RHBDD1: variants seen among roughly 807,000 people sequenced by gnomAD.
RHBDD1 encodes the protein rhomboid-related protein 4.
Under a neutral mutation model 36.3 loss-of-function variants are expected in RHBDD1, and 38 were observed. That is an observed-to-expected ratio of 1.05 (90% CI 0.81 to 1.37). The LOEUF is 1.37. Ranked by LOEUF, RHBDD1 falls within the 40% of genes most tolerant of loss-of-function variation. RHBDD1 has a pLI of 0.00. For missense variants in RHBDD1, 393 were observed against 377.6 expected, an observed-to-expected ratio of 1.04 and a Z score of -0.34; for synonymous variants, 151 against 136.5, an observed-to-expected ratio of 1.11 and a Z score of -0.74.
chr2:226,972,860 C>T (rs1221817712), intron 8 of RHBDD1, among the ~76,000 whole-genome samples: 1 of 149,188 alleles, frequency 6.7e-6, no homozygotes, highest in Admixed American at 6.7e-5. Context: ...CACAAGTTAC[C>T]ACATGTATTT....
chr2:226,837,461 C>G (rs1273087745), intron 1 of RHBDD1: 1 of 152,168 alleles, frequency 6.6e-6, no homozygotes, highest in African/African-American at 2.4e-5. Flanking sequence ...CATACTAATG[C>G]TATTGTGGTT....
chr2:226,989,966 T>C (rs879586102), intron 8 of RHBDD1, among the ~76,000 whole-genome samples: 1 of 152,238 alleles, frequency 6.6e-6, no homozygotes, highest in Non-Finnish European at 1.5e-5. Flanking sequence ...TCTTGATTGA[T>C]TGAAGGATAG....
chr2:226,961,400 A>G (rs1403844789), intron 8 of RHBDD1, among the ~76,000 whole-genome samples: 2 of 152,156 alleles, frequency 1.3e-5, no homozygotes, highest in African/African-American at 4.8e-5. Context: ...CACTTAGGTC[A>G]CTTATAGAAA....
chr2:226,967,176 C>T (rs1185536968), intron 8 of RHBDD1, among the ~76,000 whole-genome samples: 6 of 152,094 alleles, frequency 3.9e-5, no homozygotes, highest in African/African-American at 1.5e-4. Context: ...GAGTAAATTG[C>T]ATAAATCCCA....
chr2:226,920,455 G>A (rs1336028204), intron 8 of RHBDD1, among the ~76,000 whole-genome samples: 1 of 152,020 alleles, frequency 6.6e-6, no homozygotes, highest in Non-Finnish European at 1.5e-5. Flanking sequence ...GTGCATCTTT[G>A]TTATATTCCA....
chr2:226,973,106 T>G (rs1953899895), intron 8 of RHBDD1, among the ~76,000 whole-genome samples: 1 of 152,202 alleles, frequency 6.6e-6, no homozygotes, highest in South Asian at 2.1e-4. Flanking sequence ...CTCCCTGGAC[T>G]TCAGCCTCGG....
intron 5 of RHBDD1, among the ~76,000 whole-genome samples, chr2:226,884,967 T>C (rs896090620): frequency 6.6e-5 from 10 of 152,138 alleles, no homozygotes; most frequent in East Asian, 3.8e-4. Flanking sequence ...ATTACATCTT[T>C]AGGATGAACA....
chr2:226,897,425 G>C (rs1017104335), intron 5 of RHBDD1, among the ~76,000 whole-genome samples: 1 of 152,128 alleles, frequency 6.6e-6, no homozygotes, highest in South Asian at 2.1e-4. Flanking sequence ...CTAAATATTT[G>C]ATGAGTGAAT....
chr2:226,842,311 A>G (rs530141747), intron 3 of RHBDD1, among the ~76,000 whole-genome samples: 1 of 151,952 alleles, frequency 6.6e-6, no homozygotes, highest in Non-Finnish European at 1.5e-5. Context: ...CCATTTGTCA[A>G]TTTTTGCTTT....
At position 226,891,720 on chromosome 2, in the gene RHBDD1, G is replaced by A. The variant is rs545899142; in HGVS notation, c.567-15073G>A. Among the ~76,000 whole-genome samples, 6 of 152,286 alleles carry A rather than the reference G, an allele frequency of 3.9e-5. No individual in the cohort carries two copies. The South Asian group carries it at 1.2e-3, about 32-fold the overall frequency. Reference sequence around the variant, plus strand: ...ACCCAACCAATAGAATTCTTGGTTGGAAACCCTAGAAATAAACTCTGGCAA... The same window carrying A: ...ACCCAACCAATAGAATTCTTGGTTGAAAACCCTAGAAATAAACTCTGGCAA... On this transcript the variant is annotated intron_variant, in intron 5 of 8. Transcript: ENST00000392062.
intron 8 of RHBDD1, among the ~76,000 whole-genome samples, chr2:226,927,646 A>T (rs766261225): frequency 5.3e-5 from 8 of 151,966 alleles, no homozygotes; most frequent in Non-Finnish European, 1.0e-4. Context: ...TGGTATTTTC[A>T]GTTGTTTTTA....
At chr2:226,925,015 C>A (rs892954515) in intron 8 of RHBDD1, among the ~76,000 whole-genome samples, 2 of 152,148 alleles carry the variant, frequency 1.3e-5, no homozygotes, top group African/African-American at 4.8e-5. Flanking sequence ...GCAGATAGTT[C>A]TTCAGTTTGG....
chr2:226,972,427 C>T (rs1953716424), intron 8 of RHBDD1, among the ~76,000 whole-genome samples: 1 of 152,204 alleles, frequency 6.6e-6, no homozygotes, highest in South Asian at 2.1e-4. Context: ...GAGCCATCCT[C>T]CTCTTTCTCA....
intron 8 of RHBDD1, among the ~76,000 whole-genome samples, chr2:226,949,575 ATATTG>A (rs1951278581): frequency 6.6e-6 from 1 of 152,208 alleles, no homozygotes; most frequent in Non-Finnish European, 1.5e-5. Flanking sequence ...TTTGCCTTTC[ATATTG>A]TATTGGTAGG....
intron 3 of RHBDD1, among the ~76,000 whole-genome samples, chr2:226,861,940 G>A (rs572883839): frequency 2.0e-5 from 3 of 152,260 alleles, no homozygotes; most frequent in African/African-American, 7.2e-5. Flanking sequence ...ATATAGAAAC[G>A]GGTTGTGCTA....
intron 8 of RHBDD1, among the ~76,000 whole-genome samples, chr2:226,925,402 T>A (rs1949598061): frequency 6.6e-6 from 1 of 152,190 alleles, no homozygotes; most frequent in South Asian, 2.1e-4. Context: ...AGGCATCTAT[T>A]AAAAATAACA....
At chr2:226,930,877 A>G (rs915349986) in intron 8 of RHBDD1, among the ~76,000 whole-genome samples, 1 of 152,092 alleles carries the variant, frequency 6.6e-6, no homozygotes, top group Non-Finnish European at 1.5e-5. Flanking sequence ...CAAGAAACGT[A>G]TGAAAAAAAT....
At chr2:226,834,184 T>C (rs888616855), upstream of RHBDD1, among the ~76,000 whole-genome samples, 3 of 152,184 alleles carry the variant, frequency 2.0e-5, no homozygotes, top group Non-Finnish European at 2.9e-5. Flanking sequence ...ATGATGCAAT[T>C]ATAGAAAGAT....
chr2:226,864,557 G>A lies in RHBDD1; in HGVS notation c.-90-47G>A, dbSNP rs535055282. 7 of 707,602 alleles carry A rather than the reference G, an allele frequency of 9.9e-6. No individual in the cohort carries two copies. In the South Asian group the frequency reaches 1.2e-4, roughly 12 times the overall value. 43.8% of individuals were successfully genotyped at this position (707,602 alleles called of 1,614,324 possible). On this transcript the variant is annotated intron_variant, in intron 3 of 8. Coordinates refer to ENST00000392062, the MANE Select transcript of RHBDD1 (RefSeq NM_001167608.3). Reference sequence around the variant, plus strand: ...CTTGAAGCGAGTATGTCTTATATATGTACTAATTCTTAATTGATGGTTTTT... The same window carrying A: ...CTTGAAGCGAGTATGTCTTATATATATACTAATTCTTAATTGATGGTTTTT...
Sources: allele counts gnomAD v4.1 joint callset (sites outside exome capture counted in the v4.1 genomes callset), GRCh38; gene constraint gnomAD v4.1.1; transcripts MANE v1.5; gene names NCBI Gene and HGNC (gene_info 2026-07-23, HGNC 2026-07-21).